The following MINDY3 variants were observed in gnomAD, a reference collection of about 807,000 sequenced individuals.
MINDY3 encodes MINDY lysine 48 deubiquitinase 3, also known as ubiquitin carboxyl-terminal hydrolase MINDY-3.
Under a neutral mutation model 69.2 loss-of-function variants are expected in MINDY3, and 38 were observed. The ratio of observed to expected loss-of-function variants is 0.55; its 90% CI spans 0.42 to 0.72. The LOEUF is 0.72. Ranked by LOEUF, MINDY3 falls within the 30% of genes least tolerant of loss-of-function variation. MINDY3 has a pLI of 0.00. For missense variants in MINDY3, 522 were observed against 519.0 expected (o/e 1.01, Z -0.06); for synonymous variants, 192 against 180.1 (o/e 1.07, Z -0.53).
intron 11 of MINDY3, among the ~76,000 whole-genome samples, chr10:15,792,450 TACAGAA>T (rs1292218686): frequency 6.6e-6 from 1 of 152,086 alleles, no homozygotes; most frequent in Admixed American, 6.6e-5. Flanking sequence ...GGTGGCACTA[TACAGAA>T]AACTGTTAGC....
intron 10 of MINDY3, among the ~76,000 whole-genome samples, chr10:15,801,476 T>C (rs772922959): frequency 6.6e-6 from 1 of 152,082 alleles, no homozygotes; most frequent in Non-Finnish European, 1.5e-5. Flanking sequence ...GACCACCTTT[T>C]AAAGTTCTTT....
At chr10:15,796,361 A>T (rs1044946918) in intron 10 of MINDY3, among the ~76,000 whole-genome samples, 189 bp from the exon 11 acceptor site, 1 of 152,050 alleles carries the variant, frequency 6.6e-6, no homozygotes, top group Non-Finnish European at 1.5e-5. Context: ...AAAAGTGGCA[A>T]TAAAAGCTTA....
intron 8 of MINDY3, among the ~76,000 whole-genome samples, chr10:15,825,163 A>T (rs2132019350): frequency 6.6e-6 from 1 of 152,286 alleles, no homozygotes; most frequent in East Asian, 1.9e-4. Flanking sequence ...CTGAGAGCCA[A>T]CATGACTCTC....
intron 4 of MINDY3, among the ~76,000 whole-genome samples, chr10:15,838,523 C>T (rs1833241927): frequency 6.6e-6 from 1 of 151,652 alleles, no homozygotes; most frequent in South Asian, 2.1e-4. Flanking sequence ...CATTTCAGTT[C>T]AGCTATGCTA....
chr10:15,783,255 C>T (rs1272958998), intron 13 of MINDY3, among the ~76,000 whole-genome samples: 1 of 152,116 alleles, frequency 6.6e-6, no homozygotes, highest in Non-Finnish European at 1.5e-5. Flanking sequence ...CTACTCCTTC[C>T]CCTTCATGTA....
intron 10 of MINDY3, among the ~76,000 whole-genome samples, chr10:15,810,797 C>T (rs967259926): frequency 2.6e-5 from 4 of 152,016 alleles, no homozygotes; most frequent in Non-Finnish European, 5.9e-5. Flanking sequence ...AGTAAATATA[C>T]AGGACGAATC....
intron 11 of MINDY3, 55 bp downstream of exon 11, chr10:15,796,045 T>C: frequency 8.0e-7 from 1 of 1,253,750 alleles, no homozygotes; most frequent in African/African-American, 1.5e-5. Flanking sequence ...TCGCTATCAA[T>C]GTATTTCAAA....
intron 9 of MINDY3, among the ~76,000 whole-genome samples, chr10:15,820,843 T>G (rs956197838): frequency 3.9e-5 from 6 of 152,194 alleles, no homozygotes; most frequent in African/African-American, 1.4e-4. Flanking sequence ...CTTAGGCTCA[T>G]GCCTGTAATC....
Position 15,828,671 on chromosome 10 carries a change from G to A in MINDY3, c.730+4959C>T, listed in dbSNP as rs1336617726. On this transcript the variant is annotated intron_variant, in intron 8 of 14. Transcript: ENST00000277632. ...TAGGTATACTTATATAAGGAAAGAC[G>A]TATATACAAAACATGTTTACTACAG... 3.3e-5 allele frequency among the ~76,000 whole-genome samples: 5 copies of A among 151,708 alleles called. 1 individual carries two copies. Among genetic ancestry groups the A allele is most frequent in the African/African-American group, 2.4e-5 (1 of 41,376 alleles).
At chr10:15,783,879 A>C (rs1588499699) in intron 13 of MINDY3, among the ~76,000 whole-genome samples, 2 of 152,210 alleles carry the variant, frequency 1.3e-5, no homozygotes, top group East Asian at 3.8e-4. Context: ...TATAATTTAT[A>C]TTCCCTATTT....
At chr10:15,813,163 C>A (rs1839125594) in intron 10 of MINDY3, among the ~76,000 whole-genome samples, 1 of 152,200 alleles carries the variant, frequency 6.6e-6, no homozygotes, top group Non-Finnish European at 1.5e-5. Context: ...CAATTTTTAA[C>A]AAGTCTAGTT....
chr10:15,850,390 CAG>C (rs1314556968), intron 1 of MINDY3, among the ~76,000 whole-genome samples: 4 of 152,182 alleles, frequency 2.6e-5, no homozygotes, highest in South Asian at 2.1e-4. Flanking sequence ...CTGGGCAGAA[CAG>C]AGTCATATTT....
intron 8 of MINDY3, among the ~76,000 whole-genome samples, chr10:15,829,080 A>G (rs1840282927): frequency 6.6e-6 from 1 of 152,192 alleles, no homozygotes; most frequent in Admixed American, 6.5e-5. Context: ...CGTTTACAGA[A>G]GCAAGAACAT....
chr10:15,796,291 G>A (rs931339992), intron 10 of MINDY3, 119 bp from the exon 11 acceptor site: 17 of 759,262 alleles, frequency 2.2e-5, no homozygotes, highest in Non-Finnish European at 6.9e-6. Flanking sequence ...AGTTACATTT[G>A]TATCATAGAT....
intron 10 of MINDY3, among the ~76,000 whole-genome samples, chr10:15,809,431 G>A (rs750882369): frequency 2.0e-5 from 3 of 152,044 alleles, no homozygotes; most frequent in South Asian, 2.1e-4. Flanking sequence ...CAGTAGGTTC[G>A]CATGTTTTCA....
chr10:15,785,522 G>C, intron 13 of MINDY3, among the ~76,000 whole-genome samples: 1 of 152,054 alleles, frequency 6.6e-6, no homozygotes, highest in South Asian at 2.1e-4. Context: ...GTTTAAGATG[G>C]TATAATGTAT....
Position 15,860,355 on chromosome 10 carries a change from G to C in MINDY3, c.-56C>G. 1 of 1,302,934 alleles carries C rather than the reference G, an allele frequency of 7.7e-7. No individual in the cohort carries two copies. The highest frequency in any genetic ancestry group is 1.3e-5 in the South Asian group (1 of 79,516). 80.7% of individuals were successfully genotyped at this position (1,302,934 alleles called of 1,614,324 possible). On this transcript the variant is annotated 5_prime_UTR_variant, in exon 1 of 15. Transcript: ENST00000277632. ...TGCGGACTCCTGCCCCGGAACATGGGGAAGGGGCAACTCCGGAAACAGCAG... is the reference window on the plus strand; with the variant it reads ...TGCGGACTCCTGCCCCGGAACATGGCGAAGGGGCAACTCCGGAAACAGCAG...
intron 10 of MINDY3, among the ~76,000 whole-genome samples, chr10:15,797,126 C>G (rs1206823096): frequency 2.6e-5 from 4 of 152,054 alleles, no homozygotes; most frequent in African/African-American, 7.2e-5. Flanking sequence ...AACTGTTGTT[C>G]TAATATCTCA....
At chr10:15,854,705 G>A (rs1209096417) in intron 1 of MINDY3, among the ~76,000 whole-genome samples, 2 of 152,078 alleles carry the variant, frequency 1.3e-5, no homozygotes, top group African/African-American at 4.8e-5. Flanking sequence ...GAAGCACTGA[G>A]GGCTCAGCTA....
Sources: allele counts gnomAD v4.1 joint callset (sites outside exome capture counted in the v4.1 genomes callset), GRCh38; gene constraint gnomAD v4.1.1; transcripts MANE v1.5; gene names NCBI Gene and HGNC (gene_info 2026-07-23, HGNC 2026-07-21).